Variants in TNR observed in about 807,000 individuals in gnomAD.
The protein encoded by TNR is tenascin-R.
A neutral mutation model predicts 150.4 loss-of-function variants in TNR; 45 were observed. The observed-to-expected ratio is 0.30, with a 90% CI of 0.24 to 0.38. TNR has a LOEUF of 0.38. Among genes scored for constraint, TNR ranks in the 10% least tolerant of loss-of-function variants. The pLI is 1.00. For missense variants in TNR, 1,544 were observed against 1,759.1 expected, an observed-to-expected ratio of 0.88 and a Z score of 2.19; for synonymous variants, 687 against 678.4, an observed-to-expected ratio of 1.01 and a Z score of -0.20.
At chr1:175,684,851 G>T (rs1666142210) in intron 1 of TNR, among the ~76,000 whole-genome samples, 1 of 152,172 alleles carries the variant, frequency 6.6e-6, no homozygotes. Context: ...GTTTAACCTA[G>T]AATTTCCCAA....
At chr1:175,467,588 C>T (rs757066667) in intron 2 of TNR, among the ~76,000 whole-genome samples, 26 of 152,202 alleles carry the variant, frequency 1.7e-4, no homozygotes, top group African/African-American at 5.8e-4. Flanking sequence ...GAGATGGCCA[C>T]GAGTTTTTGG....
At chr1:175,604,137 C>T (rs1326122154) in intron 1 of TNR, among the ~76,000 whole-genome samples, 2 of 152,040 alleles carry the variant, frequency 1.3e-5, no homozygotes, top group Non-Finnish European at 2.9e-5. Flanking sequence ...CCCCGCTCCC[C>T]TCTTCTAATG....
chr1:175,589,870 A>T (rs1291216313), intron 1 of TNR, among the ~76,000 whole-genome samples: 2 of 152,180 alleles, frequency 1.3e-5, no homozygotes, highest in East Asian at 3.9e-4. Flanking sequence ...TAGGGGAGGG[A>T]TAGCGTTAGG....
intron 1 of TNR, among the ~76,000 whole-genome samples, chr1:175,723,735 G>A (rs1667403782): frequency 1.3e-5 from 2 of 152,102 alleles, no homozygotes; most frequent in South Asian, 2.1e-4. Context: ...AAAATTAGCT[G>A]AGCGTGGTGG....
At chr1:175,491,940 G>A (rs770187969) in intron 2 of TNR, among the ~76,000 whole-genome samples, 11 of 150,796 alleles carry the variant, frequency 7.3e-5, no homozygotes, top group Middle Eastern at 3.6e-3. Context: ...GAGCCACCAC[G>A]CCCAGCCAGG....
At chr1:175,388,343 A>G (rs1439672344) in intron 7 of TNR, among the ~76,000 whole-genome samples, 1 of 152,154 alleles carries the variant, frequency 6.6e-6, no homozygotes, top group Non-Finnish European at 1.5e-5. Context: ...GAAAACCCGA[A>G]TCATAATGGA....
intron 1 of TNR, among the ~76,000 whole-genome samples, chr1:175,640,332 A>G (rs1327605719): frequency 6.6e-6 from 1 of 152,188 alleles, no homozygotes; most frequent in Non-Finnish European, 1.5e-5. Context: ...ATTTACCATG[A>G]ACTGTAAGGG....
chr1:175,592,790 T>A (rs1662852698), intron 1 of TNR, among the ~76,000 whole-genome samples: 1 of 152,364 alleles, frequency 6.6e-6, no homozygotes, highest in South Asian at 2.1e-4. Context: ...TGGTGCTTAG[T>A]CTCCTAGTTT....
In TNR at chr1:175,737,635, C is replaced by T. The variant is rs115144047; in HGVS notation, c.-165+5591G>A. 2.9e-3 allele frequency among the ~76,000 whole-genome samples: 443 copies of T among 152,310 alleles called. 1 individual carries two copies. Among genetic ancestry groups the T allele is most frequent in the African/African-American group, 0.01 (426 of 41,562 alleles). ...CCAGACTTCCCCCTTTGTCTTTCCT[C>T]ATACCATGCAGTTTGAGGAGGACAC... On this transcript the variant is annotated intron_variant, in intron 1 of 22. Coordinates refer to ENST00000367674, the MANE Select transcript of TNR (RefSeq NM_003285.3).
At chr1:175,638,964 TTCTC>T in intron 1 of TNR, among the ~76,000 whole-genome samples, 1 of 152,334 alleles carries the variant, frequency 6.6e-6, no homozygotes, top group South Asian at 2.1e-4. Flanking sequence ...CTTTCTTGAC[TTCTC>T]TCTTTCTGTC....
intron 2 of TNR, among the ~76,000 whole-genome samples, chr1:175,459,386 A>C (rs576384746): frequency 6.6e-6 from 1 of 152,338 alleles, no homozygotes; most frequent in Non-Finnish European, 1.5e-5. Flanking sequence ...CCTCTGAGCC[A>C]ACATGATTAT....
At chr1:175,538,682 G>C (rs1264658123) in intron 1 of TNR, 1 of 152,208 alleles carries the variant, frequency 6.6e-6, no homozygotes, top group East Asian at 1.9e-4. Context: ...CATCCATGCT[G>C]TGTTGGTATG....
At chr1:175,507,180 G>A (rs1032418185) in intron 2 of TNR, among the ~76,000 whole-genome samples, 7 of 152,188 alleles carry the variant, frequency 4.6e-5, no homozygotes, top group Non-Finnish European at 2.9e-5. Flanking sequence ...CGTGTGCCCC[G>A]CTGGGGGTGG....
rs79563070 is a variant in TNR, at chr1:175,493,516, G to A, written c.-64+34753C>T. ...GCTGGCTCCGCCCCACGCTCACCAG[G>A]AGAAGGTCATCCCCCGGATTTCTAA... On this transcript the variant is annotated intron_variant, in intron 2 of 22. Transcript: ENST00000367674. Among the ~76,000 whole-genome samples, 252 of 152,342 alleles carry A rather than the reference G, an allele frequency of 1.7e-3. 2 individuals are homozygous for A. Among genetic ancestry groups the A allele is most frequent in the East Asian group, 6.2e-3 (32 of 5,170 alleles).
At chr1:175,721,948 C>T (rs555003844) in intron 1 of TNR, among the ~76,000 whole-genome samples, 5 of 151,612 alleles carry the variant, frequency 3.3e-5, no homozygotes, top group Non-Finnish European at 7.4e-5. Flanking sequence ...TTTTTAAACC[C>T]AATCATGAGC....
In TNR at chr1:175,587,353, A is replaced by T. The variant is rs78083435; in HGVS notation, c.-164-58984T>A. ...TCCAGGTTTGAATCTGAACCCAGCCACTCGCATAGCTGAGTAACCCAGAGT... is the reference window on the plus strand; with the variant it reads ...TCCAGGTTTGAATCTGAACCCAGCCTCTCGCATAGCTGAGTAACCCAGAGT... On this transcript the variant is annotated intron_variant, in intron 1 of 22. Transcript: ENST00000367674. Among the ~76,000 whole-genome samples, 365 of 152,306 alleles carry T rather than the reference A, an allele frequency of 2.4e-3. 2 individuals are homozygous for T. Among genetic ancestry groups the T allele is most frequent in the Non-Finnish European group, 4.2e-3 (283 of 68,034 alleles).
intron 2 of TNR, among the ~76,000 whole-genome samples, chr1:175,467,807 T>C (rs886419158): frequency 2.0e-5 from 3 of 152,180 alleles, no homozygotes; most frequent in Non-Finnish European, 4.4e-5. Context: ...TGAGCTTAAA[T>C]AGCATTTATT....
intron 1 of TNR, among the ~76,000 whole-genome samples, chr1:175,633,027 T>G (rs1664380108): frequency 6.6e-6 from 1 of 152,150 alleles, no homozygotes; most frequent in Non-Finnish European, 1.5e-5. Flanking sequence ...TCTCCATACC[T>G]TGTATACACT....
intron 2 of TNR, among the ~76,000 whole-genome samples, chr1:175,484,691 C>T (rs548706713): frequency 6.6e-6 from 1 of 152,190 alleles, no homozygotes; most frequent in African/African-American, 2.4e-5. Flanking sequence ...ACTCTTTTCT[C>T]TATTTATTCT....
Sources: gnomAD v4.1 joint callset for allele counts (sites outside exome capture counted in the v4.1 genomes callset) on GRCh38, gnomAD v4.1.1 for gene constraint, MANE v1.5 for transcripts, NCBI Gene and HGNC (gene_info 2026-07-23, HGNC 2026-07-21) for gene names.